Variants in LCA5L observed in about 807,000 individuals in gnomAD.
The protein encoded by LCA5L is lebercilin-like protein.
A neutral mutation model predicts 45.4 loss-of-function variants in LCA5L; 35 were observed. The ratio of observed to expected loss-of-function variants is 0.77; its 90% CI spans 0.59 to 1.02. The LOEUF is 1.02. Ranked by LOEUF, LCA5L falls within the 50% of genes least tolerant of loss-of-function variation. The pLI is 0.00. For synonymous variants in LCA5L, 233 were observed against 264.7 expected (o/e 0.88, Z 1.16); for missense variants, 668 against 761.6 (o/e 0.88, Z 1.45).
intron 2 of LCA5L, among the ~76,000 whole-genome samples, chr21:39,441,107 G>A (rs2076804795): frequency 6.6e-6 from 1 of 152,050 alleles, no homozygotes; most frequent in South Asian, 2.1e-4. Flanking sequence ...AGGCTGAGGT[G>A]GGCAGATCAC....
chr21:39,416,661 AT>A (rs111455209), intron 7 of LCA5L, among the ~76,000 whole-genome samples: 34,855 of 149,526 alleles, frequency 0.23, 4,348 homozygotes, highest in African/African-American at 0.33. Context: ...TTACTTCTGT[AT>A]TTTTTTTTTG....
At chr21:39,417,047 T>A (rs2041313216) in intron 7 of LCA5L, among the ~76,000 whole-genome samples, 1 of 152,216 alleles carries the variant, frequency 6.6e-6, no homozygotes, top group Non-Finnish European at 1.5e-5. Flanking sequence ...TTTATTTTAT[T>A]TTTGAGACAG....
chr21:39,418,268 T>A (rs1169962387), intron 7 of LCA5L, among the ~76,000 whole-genome samples: 1 of 152,166 alleles, frequency 6.6e-6, no homozygotes, highest in Non-Finnish European at 1.5e-5. Context: ...TACAGTTTCG[T>A]TTGCCTTCCT....
intron 7 of LCA5L, among the ~76,000 whole-genome samples, chr21:39,416,745 C>A (rs1000888679): frequency 2.6e-5 from 4 of 152,100 alleles, no homozygotes; most frequent in Non-Finnish European, 5.9e-5. Context: ...AAGATACACA[C>A]AACATTCTCA....
At chr21:39,437,811 A>C (rs2076430154) in intron 2 of LCA5L, among the ~76,000 whole-genome samples, 1 of 152,194 alleles carries the variant, frequency 6.6e-6, no homozygotes. Context: ...CCCACTTACT[A>C]TATCCAAATA....
intron 2 of LCA5L, among the ~76,000 whole-genome samples, chr21:39,436,490 C>G (rs748931998): frequency 6.6e-6 from 1 of 152,008 alleles, no homozygotes; most frequent in Non-Finnish European, 1.5e-5. Context: ...TAATTACATA[C>G]ATATTTTTTG....
chr21:39,416,648 A>G (rs1206250795), intron 7 of LCA5L, among the ~76,000 whole-genome samples: 9 of 148,186 alleles, frequency 6.1e-5, no homozygotes, highest in East Asian at 1.9e-4. Flanking sequence ...ATTTGACTCT[A>G]TCTTACTTCT....
At position 39,419,425 on chromosome 21, in the gene LCA5L, C is replaced by T. The variant is rs975307551; in HGVS notation, c.975+1281G>A. ...CTGTGATCCCAGCTACTTGGGAGGC[C>T]GAGGTGGGAAGATCACTTTAGCCCA... On this transcript the variant is annotated intron_variant, in intron 7 of 10. Transcript: ENST00000288350. Among the ~76,000 whole-genome samples, 12 of 148,724 alleles carry T rather than the reference C, an allele frequency of 8.1e-5. No homozygotes were observed. The South Asian group carries it at 1.9e-3, about 24-fold the overall frequency.
intron 7 of LCA5L, 34 bp from the exon 8 acceptor site, chr21:39,411,836 ATGCT>A (rs771010802): frequency 8.8e-6 from 11 of 1,255,204 alleles, no homozygotes; most frequent in Middle Eastern, 1.9e-4. Flanking sequence ...TTTTCTATAA[ATGCT>A]TGCTTTTGTC....
In LCA5L at chr21:39,406,125, A is replaced by G; in HGVS notation, c.1770T>C (p.Thr590=). Reference sequence around the variant, plus strand: ...TGAGACTGCTTTTCTTATCTCTGAAAGTTGTATCCTTCACTTTTATTCTGG... The same window carrying G: ...TGAGACTGCTTTTCTTATCTCTGAAGGTTGTATCCTTCACTTTTATTCTGG... ...KSSRIKVKDT[T]FRDKKSSLME... is the part of the protein sequence containing the mutation. Residue 590 remains threonine (T), a synonymous_variant, in exon 11 of 11, where the codon ACT becomes ACC. Transcript: ENST00000288350. 1 of 1,614,270 alleles carries G rather than the reference A, an allele frequency of 6.2e-7. No individual in the cohort carries two copies.
chr21:39,418,751 C>T (rs1418002098), intron 7 of LCA5L, among the ~76,000 whole-genome samples: 1 of 151,826 alleles, frequency 6.6e-6, no homozygotes, highest in African/African-American at 2.4e-5. Flanking sequence ...CTGCCCGCCT[C>T]GGCCTCCCAA....
Position 39,414,738 on chromosome 21 carries a change from CTCTCTG to C in LCA5L, c.976-2942_976-2937del, listed in dbSNP as rs1330472359. Reference sequence around the variant, plus strand: ...CCTCTCTCTCTCTCTCTCTCTCTCTCTCTCTGTGTGTGTGTGTGTGTGTGTGTGTGT... The same window carrying C: ...CCTCTCTCTCTCTCTCTCTCTCTCTCTGTGTGTGTGTGTGTGTGTGTGTGT... On this transcript the variant is annotated intron_variant, in intron 7 of 10. Transcript: ENST00000288350. Among the ~76,000 whole-genome samples the C allele has an allele frequency of 7.3e-3, 781 of 107,368 alleles. 3 individuals are homozygous for C. The highest frequency in any genetic ancestry group is 0.034 in the East Asian group (127 of 3,756). 70.4% of individuals were successfully genotyped at this position (107,368 alleles called of 152,430 possible). A position where few individuals can be genotyped will look rare whatever the true frequency, so the allele number is the denominator to read the frequency against.
At chr21:39,408,154 G>T (rs960638486) in intron 10 of LCA5L, among the ~76,000 whole-genome samples, 1 of 152,190 alleles carries the variant, frequency 6.6e-6, no homozygotes, top group African/African-American at 2.4e-5. Context: ...TCTCCCACGA[G>T]TGGTAATGTA....
intron 4 of LCA5L, 97 bp from the exon 5 acceptor site, chr21:39,428,600 T>TATATATATATATATATATATATA (rs61503063): frequency 1.5e-4 from 3 of 20,320 alleles, no homozygotes; most frequent in African/African-American, 2.3e-4. Flanking sequence ...ATATATATAT[T>TATATATATATATATATATATATA]TTTTTTTTTT....
chr21:39,412,973 A>T (rs1447147081), intron 7 of LCA5L, among the ~76,000 whole-genome samples: 1 of 152,194 alleles, frequency 6.6e-6, no homozygotes, highest in East Asian at 1.9e-4. Flanking sequence ...AGGTGCTCCC[A>T]TAGCACAGGC....
At chr21:39,427,999 A>G in intron 5 of LCA5L, 173 bp downstream of exon 5, 1 of 521,568 alleles carries the variant, frequency 1.9e-6, no homozygotes, top group Non-Finnish European at 3.5e-6. Flanking sequence ...TTATTTTATA[A>G]TTACTCTTAA....
At chr21:39,417,765 TAA>T in intron 7 of LCA5L, among the ~76,000 whole-genome samples, 1 of 151,944 alleles carries the variant, frequency 6.6e-6, no homozygotes, top group South Asian at 2.1e-4. Flanking sequence ...TTTAATTTTT[TAA>T]TTTTTAATTT....
rs1569055411 is a variant in LCA5L at position 39,406,328 on chromosome 21, G to C, written c.1567C>G (p.His523Asp). 6.2e-7 allele frequency: 1 copy of C among 1,614,172 alleles called. No individual in the cohort carries two copies. The highest frequency in any genetic ancestry group is 1.7e-5 in the Admixed American group (1 of 60,010). ...YTKGPLRQRRHYSFTEATENL... is the reference protein window; with the variant it reads ...YTKGPLRQRRDYSFTEATENL... ...TCAGTTGCTTCTGTGAATGAGTAAT[G>C]TCTTCTTTGTCTGAGGGGGCCTTTC... Residue 523 changes from histidine to aspartate, a missense_variant, in exon 11 of 11, where the codon CAT (histidine) becomes GAT (aspartate). Physicochemically the swap from His to Asp is moderately conservative, Grantham distance 81. Coordinates refer to ENST00000288350, the MANE Select transcript of LCA5L (RefSeq NM_152505.4).
chr21:39,424,155 C>T (rs990057100), intron 5 of LCA5L, among the ~76,000 whole-genome samples: 2 of 151,890 alleles, frequency 1.3e-5, no homozygotes, highest in Admixed American at 6.6e-5. Flanking sequence ...TGGGATTACA[C>T]GTGTCTGCCA....
Sources: allele counts gnomAD v4.1 joint callset (sites outside exome capture counted in the v4.1 genomes callset), GRCh38; gene constraint gnomAD v4.1.1; transcripts MANE v1.5; gene names NCBI Gene and HGNC (gene_info 2026-07-23, HGNC 2026-07-21).